The following RYR3 variants were observed in gnomAD, a reference collection of about 807,000 sequenced individuals.
RYR3 encodes the protein ryanodine receptor 3.
RYR3 carries 207 observed loss-of-function variants against 584.3 expected under a neutral mutation model. The ratio of observed to expected loss-of-function variants is 0.35; its 90% CI spans 0.32 to 0.40. The LOEUF (loss-of-function observed/expected upper bound fraction) is 0.40, where lower values mean the gene tolerates loss of function less well. Ranked by LOEUF, RYR3 falls within the 10% of genes least tolerant of loss-of-function variation. The pLI is 1.00. For synonymous variants in RYR3, 2,416 were observed against 2,248.5 expected, an observed-to-expected ratio of 1.07 and a Z score of -2.11; for missense variants, 5,616 against 6,089.2, an observed-to-expected ratio of 0.92 and a Z score of 2.59.
chr15:33,725,198 C>CAT (rs2152811870), intron 45 of RYR3, among the ~76,000 whole-genome samples: 1 of 125,170 alleles, frequency 8.0e-6, no homozygotes, highest in African/African-American at 3.2e-5. Context: ...CACACACACA[C>CAT]ACACATATAT....
At chr15:33,598,576 C>A (rs759796849) in intron 16 of RYR3, among the ~76,000 whole-genome samples, 3 of 151,466 alleles carry the variant, frequency 2.0e-5, no homozygotes, top group Non-Finnish European at 4.4e-5. Flanking sequence ...AAACCAGTTT[C>A]TTACCTAGTG....
At chr15:33,373,230 G>T (rs567269300) in intron 1 of RYR3, among the ~76,000 whole-genome samples, 1 of 152,126 alleles carries the variant, frequency 6.6e-6, no homozygotes, top group Non-Finnish European at 1.5e-5. Context: ...TCTATTTTAG[G>T]AATACATCTC....
Position 33,635,678 on chromosome 15 carries a change from T to G in RYR3, c.3240T>G (p.Tyr1080Ter). Reference sequence around the variant, plus strand: ...GATTTTTCCGGGTAGAGCGATCTTATGCAGTGAGATCTGGAAAGTGGTATT... The same window carrying G: ...GATTTTTCCGGGTAGAGCGATCTTAGGCAGTGAGATCTGGAAAGTGGTATT... The part of the protein sequence containing the change: ...KIRFFRVERS[Y>*]AVRSGKWYFE... The change falls in exon 26 of 104, where the codon TAT becomes TAG. Residue 1080 changes from tyrosine (Y) to a stop codon, truncating the protein, a stop_gained. Coordinates refer to ENST00000634891, the MANE Select transcript of RYR3 (RefSeq NM_001036.6). LOFTEE classifies it high-confidence loss of function. 1.2e-6 allele frequency: 2 copies of G among 1,614,008 alleles called. No individual in the cohort carries two copies. Among genetic ancestry groups the G allele is most frequent in the Non-Finnish European group, 1.7e-6 (2 of 1,179,872 alleles).
chr15:33,619,089 A>G (rs1181411338), intron 19 of RYR3, among the ~76,000 whole-genome samples: 3 of 152,218 alleles, frequency 2.0e-5, no homozygotes, highest in Admixed American at 6.5e-5. Context: ...TTGCTCATCT[A>G]TGAGGTGAAA....
intron 1 of RYR3, among the ~76,000 whole-genome samples, chr15:33,397,031 T>C (rs141720736): frequency 1.8e-4 from 27 of 152,364 alleles, no homozygotes; most frequent in African/African-American, 6.3e-4. Flanking sequence ...TTGGAGCTTC[T>C]ATATGCCAGA....
chr15:33,641,978 G>A (rs1401965198), intron 27 of RYR3, among the ~76,000 whole-genome samples: 1 of 149,392 alleles, frequency 6.7e-6, no homozygotes, highest in African/African-American at 2.5e-5. Context: ...ATGACTCGAG[G>A]ATAAAGGATC....
chr15:33,631,361 T>C (rs1054822434), intron 23 of RYR3, 68 bp downstream of exon 23: 9 of 1,072,736 alleles, frequency 8.4e-6, no homozygotes, highest in Non-Finnish European at 1.2e-5. Context: ...TCCAGGAGGG[T>C]GGTACCAAGA....
At chr15:33,448,554 C>A (rs1345421040) in intron 1 of RYR3, among the ~76,000 whole-genome samples, 1 of 152,222 alleles carries the variant, frequency 6.6e-6, no homozygotes, top group Non-Finnish European at 1.5e-5. Flanking sequence ...TGAGCACTAA[C>A]AAGGAAATGT....
chr15:33,820,735 T>A (rs1271827049), intron 77 of RYR3, 21 bp from the exon 78 acceptor site: 2 of 1,597,396 alleles, frequency 1.3e-6, no homozygotes, highest in African/African-American at 2.7e-5. Context: ...TCTTCTCCCT[T>A]CCCTGCTCCA....
intron 57 of RYR3, among the ~76,000 whole-genome samples, chr15:33,751,420 C>T (rs1216769120): frequency 2.0e-5 from 3 of 152,052 alleles, no homozygotes; most frequent in Non-Finnish European, 4.4e-5. Flanking sequence ...TTTTAATGAT[C>T]GCCATTCTAA....
At chr15:33,550,107 A>G (rs2056564529) in intron 9 of RYR3, 53 bp from the exon 10 acceptor site, 1 of 1,575,244 alleles carries the variant, frequency 6.3e-7, no homozygotes, top group Non-Finnish European at 8.6e-7. Flanking sequence ...ATAAATACTG[A>G]AAAGGACTTA....
intron 10 of RYR3, among the ~76,000 whole-genome samples, chr15:33,553,712 C>T (rs2056858824): frequency 6.6e-6 from 1 of 152,168 alleles, no homozygotes; most frequent in African/African-American, 2.4e-5. Context: ...TACAGCATCC[C>T]AGCCTTATCC....
intron 1 of RYR3, among the ~76,000 whole-genome samples, chr15:33,448,038 A>G (rs1468959148): frequency 6.6e-6 from 1 of 152,244 alleles, no homozygotes; most frequent in East Asian, 1.9e-4. Flanking sequence ...CTGTACTGTA[A>G]TTTCAACTTA....
At chr15:33,366,174 C>T (rs1595866627) in intron 1 of RYR3, among the ~76,000 whole-genome samples, 1 of 25,292 alleles carries the variant, frequency 4.0e-5, no homozygotes, top group South Asian at 1.2e-3. Context: ...GTTTGCTTCA[C>T]ATAATAGGTA....
chr15:33,757,403 A>G lies in RYR3; in HGVS notation c.8584-72A>G. Reference sequence around the variant, plus strand: ...AGAGGCTTTTTGCTCACTGAAAATAAACACTTTTAAATGAACCAAATGAAG... The same window carrying G: ...AGAGGCTTTTTGCTCACTGAAAATAGACACTTTTAAATGAACCAAATGAAG... On this transcript the variant is annotated intron_variant, in intron 59 of 103. Transcript: ENST00000634891. The G allele has an allele frequency of 5.3e-6, 8 of 1,514,908 alleles. No homozygotes were observed. The South Asian group carries it at 9.7e-5, about 18-fold the overall frequency. 93.8% of individuals were successfully genotyped at this position (1,514,908 alleles called of 1,614,324 possible).
At chr15:33,557,879 A>T (rs1184163858) in intron 10 of RYR3, among the ~76,000 whole-genome samples, 2 of 152,194 alleles carry the variant, frequency 1.3e-5, no homozygotes, top group African/African-American at 4.8e-5. Flanking sequence ...GAGGCAGAGG[A>T]TAATGATTAC....
At chr15:33,339,379 G>A (rs536888831) in intron 1 of RYR3, among the ~76,000 whole-genome samples, 3 of 152,228 alleles carry the variant, frequency 2.0e-5, no homozygotes, top group African/African-American at 4.8e-5. Flanking sequence ...ACCAGGGAAC[G>A]AGTTACAAGA....
intron 27 of RYR3, among the ~76,000 whole-genome samples, chr15:33,637,525 T>C (rs548414722): frequency 1.3e-5 from 2 of 152,240 alleles, no homozygotes; most frequent in African/African-American, 4.8e-5. Context: ...TAGTTGACTT[T>C]ATTTATCCAT....
intron 3 of RYR3, among the ~76,000 whole-genome samples, chr15:33,512,711 T>C (rs190832234): frequency 6.6e-6 from 1 of 152,376 alleles, no homozygotes; most frequent in East Asian, 1.9e-4. Context: ...GTCATAATTG[T>C]ATCTGTGATC....
Sources: gnomAD v4.1 joint callset for allele counts (sites outside exome capture counted in the v4.1 genomes callset) on GRCh38, gnomAD v4.1.1 for gene constraint, MANE v1.5 for transcripts, NCBI Gene and HGNC (gene_info 2026-07-23, HGNC 2026-07-21) for gene names.